Variants in NBEAL1 observed in about 807,000 individuals in gnomAD.
NBEAL1 encodes the protein neurobeachin like 1.
In NBEAL1, 273 loss-of-function variants were observed where a neutral mutation model predicts 351.3. That is an observed-to-expected ratio of 0.78 (90% CI 0.70 to 0.86). The LOEUF (loss-of-function observed/expected upper bound fraction) is 0.86. Among genes scored for constraint, NBEAL1 ranks in the 40% least tolerant of loss-of-function variants. NBEAL1 has a pLI of 0.00. For synonymous variants in NBEAL1, 1,050 were observed against 1,086.4 expected (o/e 0.97, Z 0.66); for missense variants, 2,961 against 3,201.3 (o/e 0.92, Z 1.81).
chr2:203,108,289 A>G (rs2062481770), intron 14 of NBEAL1, 101 bp downstream of exon 14: 1 of 873,520 alleles, frequency 1.1e-6, no homozygotes, highest in Non-Finnish European at 1.7e-6. Flanking sequence ...GCTTTTAGAT[A>G]TACAGCTTAT....
chr2:203,079,155 C>T (rs1289390666), intron 8 of NBEAL1, among the ~76,000 whole-genome samples: 1 of 152,170 alleles, frequency 6.6e-6, no homozygotes, highest in African/African-American at 2.4e-5. Context: ...TCATGGCTCA[C>T]TGCAGCCTTG....
chr2:203,087,629 T>C (rs2061992485), intron 10 of NBEAL1, among the ~76,000 whole-genome samples: 1 of 152,238 alleles, frequency 6.6e-6, no homozygotes, highest in Non-Finnish European at 1.5e-5. Context: ...ATTCATGCTT[T>C]TTAAATCTAT....
intron 2 of NBEAL1, among the ~76,000 whole-genome samples, chr2:203,030,285 T>A (rs907425128): frequency 6.6e-6 from 1 of 152,138 alleles, no homozygotes; most frequent in African/African-American, 2.4e-5. Context: ...AAACCAAATC[T>A]TAATGAAAGC....
At chr2:203,075,384 C>T (rs1364020132) in intron 7 of NBEAL1, among the ~76,000 whole-genome samples, 2 of 152,166 alleles carry the variant, frequency 1.3e-5, no homozygotes, top group African/African-American at 4.8e-5. Context: ...TGAGAGTTTG[C>T]ATGGTATATG....
rs56217945 is a variant in NBEAL1 at position 203,074,317 on chromosome 2, C to CT, written c.599-3410dup. ...GTTTACAGATCCTTTTTTCTTTCTT[C>CT]TTTTTTTTTTTTTTTTTTTTTTTTT... On this transcript the variant is annotated intron_variant, in intron 7 of 55. Coordinates refer to ENST00000683969, the MANE Select transcript of NBEAL1 (RefSeq NM_001378026.1). 4.7e-3 allele frequency among the ~76,000 whole-genome samples: 458 copies of CT among 98,252 alleles called. 7 individuals are homozygous for CT. The highest frequency in any genetic ancestry group is 0.012 in the African/African-American group (306 of 25,238). The allele number at this position is 98,252 out of a possible 152,430, so 64.5% of individuals were successfully genotyped here. A position where few individuals can be genotyped will look rare whatever the true frequency, so the allele number is the denominator to read the frequency against.
In NBEAL1 at chr2:203,138,240, C is replaced by T. The variant is rs1559396239; in HGVS notation, c.4644C>T (p.Ala1548=). Residue 1548 remains alanine (A), a synonymous_variant, in exon 30 of 56, where the codon GCC becomes GCT. Coordinates refer to ENST00000683969, the MANE Select transcript of NBEAL1 (RefSeq NM_001378026.1). ...CTAATCCAGTAACTGCTGAAAACGC[C>T]TTCCGACTAGTGCTGATCATACAGG... ...AKTNPVTAEN[A]FRLVLIIQDF... The T allele has an allele frequency of 6.2e-7, 1 of 1,614,052 alleles. No individual in the cohort carries two copies. Among genetic ancestry groups the T allele is most frequent in the East Asian group, 2.2e-5 (1 of 44,858 alleles).
chr2:203,180,643 C>A, intron 43 of NBEAL1, 131 bp downstream of exon 43: 1 of 833,432 alleles, frequency 1.2e-6, no homozygotes, highest in Non-Finnish European at 1.7e-6. Context: ...TACTTAGTGA[C>A]AGGGCTGAAC....
chr2:203,046,515 G>A (rs542104054), intron 3 of NBEAL1, among the ~76,000 whole-genome samples: 11 of 152,098 alleles, frequency 7.2e-5, no homozygotes, highest in African/African-American at 2.4e-4. Flanking sequence ...CACCGCACCC[G>A]GCCAAGAACA....
chr2:203,112,147 T>C (rs548219732), intron 16 of NBEAL1, 49 bp downstream of exon 16: 13 of 1,512,330 alleles, frequency 8.6e-6, no homozygotes, highest in African/African-American at 7.0e-5. Context: ...TTGAGAATTC[T>C]TGAAATGTTT....
At chr2:203,211,929 C>A (rs1318035972) in intron 54 of NBEAL1, among the ~76,000 whole-genome samples, 1 of 151,976 alleles carries the variant, frequency 6.6e-6, no homozygotes, top group Non-Finnish European at 1.5e-5. Flanking sequence ...GCTCTGTCAC[C>A]CAGGCTGGAG....
intron 35 of NBEAL1, among the ~76,000 whole-genome samples, chr2:203,155,723 C>T (rs2063782507): frequency 6.6e-6 from 1 of 152,314 alleles, no homozygotes; most frequent in Admixed American, 6.5e-5. Context: ...GCTGGGATTA[C>T]AGGCATGAGC....
intron 51 of NBEAL1, among the ~76,000 whole-genome samples, 158 bp from the exon 52 acceptor site, chr2:203,208,479 G>A (rs2065673397): frequency 6.6e-6 from 1 of 152,162 alleles, no homozygotes; most frequent in Non-Finnish European, 1.5e-5. Flanking sequence ...AGAAATCCAA[G>A]TAGAAATGTA....
intron 3 of NBEAL1, among the ~76,000 whole-genome samples, chr2:203,045,171 A>G (rs1265488489): frequency 1.3e-5 from 2 of 152,150 alleles, no homozygotes; most frequent in Non-Finnish European, 2.9e-5. Flanking sequence ...TGATTTTTTG[A>G]CTAATTATTT....
At chr2:203,072,720 A>G (rs1228379092) in intron 7 of NBEAL1, among the ~76,000 whole-genome samples, 6 of 152,108 alleles carry the variant, frequency 3.9e-5, no homozygotes, top group South Asian at 2.1e-4. Flanking sequence ...CTCCTTATTT[A>G]TGTTTGAGAG....
In NBEAL1 at chr2:203,136,696, G is replaced by A. The variant is rs779750701; in HGVS notation, c.4487G>A (p.Arg1496Gln). ...EKSDDDTWIERGQVFSALSKP... is the reference protein window; with the variant it reads ...EKSDDDTWIEQGQVFSALSKP... Reference sequence around the variant, plus strand: ...TCTGATGATGATACTTGGATTGAACGAGGACAAGTGTTTTCAGCACTAAGT... The same window carrying A: ...TCTGATGATGATACTTGGATTGAACAAGGACAAGTGTTTTCAGCACTAAGT... Residue 1496 changes from arginine (R) to glutamine (Q), a missense_variant, in exon 29 of 56, where the codon CGA (arginine) becomes CAA (glutamine). Coordinates refer to ENST00000683969, the MANE Select transcript of NBEAL1 (RefSeq NM_001378026.1). 7 of 1,613,496 alleles carry A rather than the reference G, an allele frequency of 4.3e-6. No homozygotes were observed. The highest frequency in any genetic ancestry group is 2.7e-5 in the African/African-American group (2 of 74,902).
At position 203,167,274 on chromosome 2, in the gene NBEAL1, C is replaced by T; in HGVS notation, c.5911C>T (p.His1971Tyr). The change falls in exon 38 of 56, where the codon CAT becomes TAT. Residue 1971 changes from histidine to tyrosine, a missense_variant. Transcript: ENST00000683969. ...GCCTCATTCTCAAATTCGAGAGATT[C>T]ATCTCCGGCGTTACAATTTAAGAAG... Reference protein sequence around the residue: ...KWPHSQIREIHLRRYNLRRSA... With the variant: ...KWPHSQIREIYLRRYNLRRSA... 6.2e-7 allele frequency: 1 copy of T among 1,611,972 alleles called. No homozygotes were observed.
intron 31 of NBEAL1, among the ~76,000 whole-genome samples, chr2:203,141,731 C>A (rs143652692): frequency 6.6e-6 from 1 of 151,906 alleles, no homozygotes; most frequent in African/African-American, 2.4e-5. Context: ...TAAAACATTT[C>A]TCACTAGCCT....
chr2:203,137,359 C>T (rs1377806371), intron 29 of NBEAL1, among the ~76,000 whole-genome samples: 3 of 152,174 alleles, frequency 2.0e-5, no homozygotes, highest in African/African-American at 7.2e-5. Flanking sequence ...TGGCCCAAGA[C>T]AGTCCTTCTT....
intron 37 of NBEAL1, among the ~76,000 whole-genome samples, chr2:203,166,927 G>A (rs1246740070): frequency 6.6e-6 from 1 of 151,914 alleles, no homozygotes; most frequent in Non-Finnish European, 1.5e-5. Context: ...CATCCTTTAT[G>A]TGATAATAAA....
Sources: allele counts gnomAD v4.1 joint callset (sites outside exome capture counted in the v4.1 genomes callset), GRCh38; gene constraint gnomAD v4.1.1; transcripts MANE v1.5; gene names NCBI Gene and HGNC (gene_info 2026-07-23, HGNC 2026-07-21).